KCNS3: variants seen among roughly 807,000 people sequenced by gnomAD.
The protein encoded by KCNS3 is delayed-rectifier potassium channel regulatory subunit KCNS3.
Under a neutral mutation model 31.0 loss-of-function variants are expected in KCNS3, and 13 were observed. The ratio of observed to expected loss-of-function variants is 0.42; its 90% CI spans 0.27 to 0.67. The LOEUF (loss-of-function observed/expected upper bound fraction) is 0.67. KCNS3 is among the 30% of genes least tolerant of loss of function. The pLI, the probability that KCNS3 is intolerant of heterozygous loss-of-function variation, is 0.25. For synonymous variants in KCNS3, 238 were observed against 241.5 expected (o/e 0.99, Z 0.13); for missense variants, 545 against 622.4 (o/e 0.88, Z 1.32).
intron 1 of KCNS3, among the ~76,000 whole-genome samples, chr2:17,907,650 G>A (rs906840496): frequency 6.6e-6 from 1 of 152,084 alleles, no homozygotes; most frequent in Non-Finnish European, 1.5e-5. Context: ...TGTAAGGCAG[G>A]CCTGGTGGTG....
chr2:17,892,687 C>G (rs182184256), intron 1 of KCNS3, among the ~76,000 whole-genome samples: 5 of 152,224 alleles, frequency 3.3e-5, no homozygotes, highest in African/African-American at 1.2e-4. Flanking sequence ...AGCTGAACTG[C>G]AGTGATTGTT....
At chr2:17,893,776 G>C (rs1326929821) in intron 1 of KCNS3, among the ~76,000 whole-genome samples, 1 of 151,930 alleles carries the variant, frequency 6.6e-6, no homozygotes, top group African/African-American at 2.4e-5. Context: ...TGGGTCTCCT[G>C]GGTCCTGCAG....
chr2:17,888,659 A>ATC (rs1661762543), intron 1 of KCNS3, among the ~76,000 whole-genome samples: 2 of 137,888 alleles, frequency 1.5e-5, no homozygotes, highest in Admixed American at 1.4e-4. Context: ...ATATATATAT[A>ATC]TATATATATA....
At chr2:17,924,101 T>C (rs1241560914) in intron 2 of KCNS3, among the ~76,000 whole-genome samples, 1 of 152,022 alleles carries the variant, frequency 6.6e-6, no homozygotes, top group African/African-American at 2.4e-5. Flanking sequence ...TATTTCTAAA[T>C]ATTTTATTTT....
chr2:17,895,071 TA>T (rs1033846695), intron 1 of KCNS3, among the ~76,000 whole-genome samples: 1 of 152,214 alleles, frequency 6.6e-6, no homozygotes, highest in Admixed American at 6.5e-5. Context: ...GCAAAGCGTT[TA>T]AAAAATCCTC....
intron 2 of KCNS3, 134 bp downstream of exon 2, chr2:17,918,005 G>A (rs1335804553): frequency 1.3e-5 from 2 of 152,794 alleles, no homozygotes; most frequent in East Asian, 3.9e-4. Context: ...GGGCAGTTGG[G>A]ACAGATGACT....
chr2:17,921,960 A>G (rs1252125637), intron 2 of KCNS3, among the ~76,000 whole-genome samples: 2 of 88,348 alleles, frequency 2.3e-5, no homozygotes, highest in East Asian at 5.4e-4. Context: ...TATATATATA[A>G]ATACATATAC....
intron 2 of KCNS3, among the ~76,000 whole-genome samples, chr2:17,923,070 C>T (rs1269936988): frequency 6.6e-6 from 1 of 152,148 alleles, no homozygotes; most frequent in Non-Finnish European, 1.5e-5. Context: ...TACAATGACA[C>T]ACAAGGGTTC....
rs189024264 is a variant in KCNS3 at position 17,884,022 on chromosome 2, T to G, written c.-252+5216T>G. 1.1e-3 allele frequency among the ~76,000 whole-genome samples: 157 copies of G among 141,822 alleles called. 2 individuals carry two copies. The East Asian group carries it at 0.029, about 26-fold the overall frequency. The allele number at this position is 141,822 out of a possible 152,430, so 93.0% of individuals were successfully genotyped here. A position where few individuals can be genotyped will look rare whatever the true frequency, so the allele number is the denominator to read the frequency against. On this transcript the variant is annotated intron_variant, in intron 1 of 2. Coordinates refer to ENST00000304101, the MANE Select transcript of KCNS3 (RefSeq NM_002252.5). ...ATCGCAAGGACAAAAAACCAAACAC[T>G]GCATGTTCTCACTCATAGGTGGGAA...
At chr2:17,891,554 T>C (rs934650982) in intron 1 of KCNS3, among the ~76,000 whole-genome samples, 3 of 152,210 alleles carry the variant, frequency 2.0e-5, no homozygotes. Flanking sequence ...AGGTTCTGTT[T>C]TGATGTGTTT....
At chr2:17,902,182 A>G (rs1378894295) in intron 1 of KCNS3, among the ~76,000 whole-genome samples, 1 of 152,200 alleles carries the variant, frequency 6.6e-6, no homozygotes, top group East Asian at 1.9e-4. Flanking sequence ...CAGATTGGGA[A>G]GTGTCCTTTC....
At chr2:17,888,484 A>G (rs1299285700) in intron 1 of KCNS3, among the ~76,000 whole-genome samples, 2 of 150,964 alleles carry the variant, frequency 1.3e-5, no homozygotes, top group African/African-American at 4.9e-5. Flanking sequence ...GTGGGGGGAG[A>G]GGGGAGGGAT....
At chr2:17,903,013 C>T (rs1438751840) in intron 1 of KCNS3, among the ~76,000 whole-genome samples, 1 of 152,162 alleles carries the variant, frequency 6.6e-6, no homozygotes, top group Non-Finnish European at 1.5e-5. Flanking sequence ...ATGTACCTGC[C>T]ATCTGCAGTG....
At chr2:17,893,221 T>A (rs916442127) in intron 1 of KCNS3, among the ~76,000 whole-genome samples, 1 of 152,148 alleles carries the variant, frequency 6.6e-6, no homozygotes, top group Non-Finnish European at 1.5e-5. Flanking sequence ...GTCACTGGCC[T>A]CACCCAGTTC....
chr2:17,896,743 A>G (rs1462816790), intron 1 of KCNS3, among the ~76,000 whole-genome samples: 4 of 152,148 alleles, frequency 2.6e-5, no homozygotes, highest in African/African-American at 9.7e-5. Context: ...CACTGGGTGG[A>G]CAGGTGGTAT....
At chr2:17,897,511 G>A (rs1662058261) in intron 1 of KCNS3, among the ~76,000 whole-genome samples, 1 of 152,210 alleles carries the variant, frequency 6.6e-6, no homozygotes, top group South Asian at 2.1e-4. Context: ...CAGCAACAGT[G>A]TGTACTCAGC....
At chr2:17,914,746 A>G (rs1303474719) in intron 1 of KCNS3, among the ~76,000 whole-genome samples, 5 of 152,194 alleles carry the variant, frequency 3.3e-5, no homozygotes, top group African/African-American at 1.2e-4. Context: ...TGATGTGACA[A>G]CATTTCAGAA....
At chr2:17,884,268 A>AAATATATATATATATAT (rs1459540269) in intron 1 of KCNS3, among the ~76,000 whole-genome samples, 1 of 46,680 alleles carries the variant, frequency 2.1e-5, no homozygotes, top group African/African-American at 7.8e-5. Context: ...AAAAAAAAAA[A>AAATATATATATATATAT]ATATATATAT....
intron 2 of KCNS3, among the ~76,000 whole-genome samples, chr2:17,927,476 A>G (rs1018470262): frequency 1.3e-5 from 2 of 152,242 alleles, no homozygotes; most frequent in African/African-American, 2.4e-5. Flanking sequence ...CTATAAAGAC[A>G]TACACAAGAC....
Sources: gnomAD v4.1 joint callset for allele counts (sites outside exome capture counted in the v4.1 genomes callset) on GRCh38, gnomAD v4.1.1 for gene constraint, MANE v1.5 for transcripts, NCBI Gene and HGNC (gene_info 2026-07-23, HGNC 2026-07-21) for gene names.